The following TG variants were observed in gnomAD, a reference collection of about 807,000 sequenced individuals.
TG encodes thyroglobulin, also known as thyroid hormones.
In TG, 270 loss-of-function variants were observed where a neutral mutation model predicts 324.7. The ratio of observed to expected loss-of-function variants is 0.83; its 90% CI spans 0.75 to 0.92. The LOEUF is 0.92. TG is among the 40% of genes least tolerant of loss of function. The pLI, the probability that TG is intolerant of heterozygous loss-of-function variation, is 0.00. For missense variants in TG, 3,591 were observed against 3,456.4 expected (o/e 1.04, Z -0.98); for synonymous variants, 1,401 against 1,327.0 (o/e 1.06, Z -1.21).
At chr8:133,024,395 TCTTTTTTTA>T (rs1835878466) in intron 40 of TG, among the ~76,000 whole-genome samples, 2 of 144,590 alleles carry the variant, frequency 1.4e-5, no homozygotes, top group African/African-American at 2.6e-5. Context: ...TCTTTCTTTT[TCTTTTTTTA>T]ATTTTACTTT....
chr8:133,113,037 T>C (rs1445138321), intron 43 of TG, among the ~76,000 whole-genome samples: 1 of 152,182 alleles, frequency 6.6e-6, no homozygotes, highest in Admixed American at 6.5e-5. Flanking sequence ...CAGTTACTCA[T>C]GAGTTGGCTG....
intron 35 of TG, among the ~76,000 whole-genome samples, chr8:132,998,385 G>A (rs1365188333): frequency 3.3e-5 from 5 of 152,160 alleles, no homozygotes; most frequent in East Asian, 1.9e-4. Flanking sequence ...AAACTGTGCC[G>A]GGGGTCAGTT....
intron 45 of TG, among the ~76,000 whole-genome samples, chr8:133,124,088 C>T (rs1851346636): frequency 6.6e-6 from 1 of 152,234 alleles, no homozygotes; most frequent in South Asian, 2.1e-4. Context: ...TGGTACCAGA[C>T]ATTGCATGAG....
intron 20 of TG, among the ~76,000 whole-genome samples, chr8:132,916,822 T>C (rs1437208215): frequency 6.6e-6 from 1 of 152,344 alleles, no homozygotes; most frequent in Non-Finnish European, 1.5e-5. Context: ...TGAGAAATTG[T>C]CTATATTTTT....
Position 132,898,738 on chromosome 8 carries a change from A to T in TG, c.3218-60A>T, listed in dbSNP as rs1267763817. On this transcript the variant is annotated intron_variant, in intron 13 of 47. Transcript: ENST00000220616. ...CCCTTAAAGGTGGGGTCAGCCTGGG[A>T]TCCCCTCTTTCTCTTGGCTCCCACG... The T allele has an allele frequency of 6.7e-6, 10 of 1,486,366 alleles. No individual in the cohort carries two copies. The East Asian group carries it at 2.0e-4, about 30-fold the overall frequency. 92.1% of individuals were successfully genotyped at this position (1,486,366 alleles called of 1,614,324 possible). A position where few individuals can be genotyped will look rare whatever the true frequency, so the allele number is the denominator to read the frequency against.
In TG at chr8:133,114,833, C is replaced by G. The variant is rs75072928; in HGVS notation, c.7754+1230C>G. 5.3e-3 allele frequency among the ~76,000 whole-genome samples: 800 copies of G among 152,342 alleles called. 5 individuals are homozygous for G. Among genetic ancestry groups the G allele is most frequent in the African/African-American group, 0.018 (761 of 41,576 alleles). ...TGGGCTGGAAGGTGTTAGAGACCCA[C>G]TGCCCTGCTTGGTCTCTCCACTCAG... On this transcript the variant is annotated intron_variant, in intron 44 of 47. Transcript: ENST00000220616.
intron 20 of TG, among the ~76,000 whole-genome samples, chr8:132,919,099 AC>A (rs924046728): frequency 1.3e-4 from 19 of 151,380 alleles, no homozygotes; most frequent in Admixed American, 1.3e-3. Flanking sequence ...AAGTAAAACA[AC>A]CCCCCTCTTT....
At chr8:133,108,237 C>T (rs1412090123) in intron 43 of TG, among the ~76,000 whole-genome samples, 1 of 151,934 alleles carries the variant, frequency 6.6e-6, no homozygotes, top group Non-Finnish European at 1.5e-5. Flanking sequence ...CTGCCTGCCT[C>T]AGCCTCCCAA....
At chr8:133,049,748 G>T (rs142932877) in intron 41 of TG, 69 of 639,714 alleles carry the variant, frequency 1.1e-4, no homozygotes, top group Middle Eastern at 2.7e-4. Context: ...GCCCAAGGTT[G>T]CTCCTTTCCT....
intron 35 of TG, among the ~76,000 whole-genome samples, chr8:132,992,896 G>A (rs1832513020): frequency 6.6e-6 from 1 of 152,206 alleles, no homozygotes; most frequent in Non-Finnish European, 1.5e-5. Context: ...TACTTGTTGA[G>A]TGTTGCTTGC....
At chr8:133,064,888 G>A (rs146237755) in intron 41 of TG, among the ~76,000 whole-genome samples, 167 of 152,222 alleles carry the variant, frequency 1.1e-3, no homozygotes, top group African/African-American at 3.7e-3. Flanking sequence ...AGGGTAGCCC[G>A]AACCCCTTTA....
Position 132,952,564 on chromosome 8 carries a change from G to A in TG, c.5401+3621G>A, listed in dbSNP as rs80004973. Among the ~76,000 whole-genome samples, 1,045 of 152,222 alleles carry A rather than the reference G, an allele frequency of 6.9e-3. 33 individuals are homozygous for A. In the East Asian group the frequency reaches 0.12, roughly 17 times the overall value. ...ACCTGCTTTCGTTGATCAATTCACG[G>A]GTACTATCAGGCTATGGTTCAACAC... is the stretch of plus-strand genomic sequence containing the variant. On this transcript the variant is annotated intron_variant, in intron 27 of 47. Coordinates refer to ENST00000220616, the MANE Select transcript of TG (RefSeq NM_003235.5).
At position 132,873,119 on chromosome 8, in the gene TG, C is replaced by T; in HGVS notation, c.536C>T (p.Ser179Leu). The change falls in exon 5 of 48, where the codon TCA becomes TTA. Residue 179 changes from serine (S) to leucine (L), a missense_variant. Coordinates refer to ENST00000220616, the MANE Select transcript of TG (RefSeq NM_003235.5). ...RRLLHGVGDK[S>L]PPQCSAEGEF... ...CTTCTCCACGGGGTGGGAGATAAGT[C>T]ACCACCCCAGTGTTCTGCGGAGGGA... 6.2e-7 allele frequency: 1 copy of T among 1,614,076 alleles called. No homozygotes were observed. Among genetic ancestry groups the T allele is most frequent in the Non-Finnish European group, 8.5e-7 (1 of 1,179,982 alleles).
chr8:132,871,451 C>T lies in TG; in HGVS notation c.378C>T (p.Tyr126=), dbSNP rs774013491. The T allele has an allele frequency of 1.1e-5, 18 of 1,614,084 alleles. No homozygotes were observed. The highest frequency in any genetic ancestry group is 6.7e-5 in the African/African-American group (5 of 74,928). ...YLPQCQDSGD[Y]APVQCDVQQV... is the part of the protein sequence containing the mutation. ...CTCAGTGTCAGGATTCAGGGGACTACGCGCCTGTTCAGTGTGATGTGCAGC... is the reference window on the plus strand; with the variant it reads ...CTCAGTGTCAGGATTCAGGGGACTATGCGCCTGTTCAGTGTGATGTGCAGC... Residue 126 remains tyrosine (Y), a synonymous_variant, in exon 4 of 48, where the codon TAC becomes TAT. Transcript: ENST00000220616.
At chr8:132,897,529 C>A in intron 11 of TG, 120 bp from the exon 12 acceptor site, 2 of 1,392,720 alleles carry the variant, frequency 1.4e-6, no homozygotes, top group South Asian at 1.2e-5. Flanking sequence ...AAATGTTTGT[C>A]AAATAAATAA....
At chr8:133,083,757 G>A (rs1474727066) in intron 41 of TG, among the ~76,000 whole-genome samples, 7 of 152,104 alleles carry the variant, frequency 4.6e-5, no homozygotes, top group Non-Finnish European at 1.0e-4. Context: ...TGTTGGAATT[G>A]TGTGATGTGG....
intron 10 of TG, among the ~76,000 whole-genome samples, chr8:132,888,880 G>A (rs1356648159): frequency 1.3e-5 from 2 of 152,176 alleles, no homozygotes; most frequent in African/African-American, 4.8e-5. Context: ...GCTGATGAAG[G>A]CTATAAAAGT....
intron 35 of TG, among the ~76,000 whole-genome samples, chr8:133,005,175 T>C (rs896459212): frequency 1.3e-5 from 2 of 152,166 alleles, no homozygotes; most frequent in Non-Finnish European, 2.9e-5. Context: ...GCAGCAAGTT[T>C]CCCATGAAAA....
At chr8:132,946,585 T>C (rs751441983) in intron 26 of TG, among the ~76,000 whole-genome samples, 25 of 152,292 alleles carry the variant, frequency 1.6e-4, no homozygotes, top group Non-Finnish European at 3.1e-4. Flanking sequence ...CTCTGGTGGA[T>C]TCCCCTCCTT....
Sources: allele counts gnomAD v4.1 joint callset (sites outside exome capture counted in the v4.1 genomes callset), GRCh38; gene constraint gnomAD v4.1.1; transcripts MANE v1.5; gene names NCBI Gene and HGNC (gene_info 2026-07-23, HGNC 2026-07-21).